The following PPM1H variants were observed in gnomAD, a reference collection of about 807,000 sequenced individuals.
The protein encoded by PPM1H is protein phosphatase, Mg2+/Mn2+ dependent 1H.
In PPM1H, 27 loss-of-function variants were observed where a neutral mutation model predicts 54.9. The observed-to-expected ratio is 0.49, with a 90% CI of 0.36 to 0.68. The LOEUF (loss-of-function observed/expected upper bound fraction) is 0.68, where lower values mean the gene tolerates loss of function less well. Ranked by LOEUF, PPM1H falls within the 30% of genes least tolerant of loss-of-function variation. PPM1H has a pLI of 0.00. For missense variants in PPM1H, 596 were observed against 667.8 expected (o/e 0.89, Z 1.19); for synonymous variants, 305 against 270.8 (o/e 1.13, Z -1.24).
intron 1 of PPM1H, among the ~76,000 whole-genome samples, chr12:62,892,281 A>G (rs1870825952): frequency 6.6e-6 from 1 of 152,228 alleles, no homozygotes; most frequent in African/African-American, 2.4e-5. Flanking sequence ...AGTCCTGTGT[A>G]ACCTATGAAT....
intron 5 of PPM1H, among the ~76,000 whole-genome samples, chr12:62,722,790 A>G (rs923704664): frequency 8.5e-5 from 13 of 152,246 alleles, no homozygotes; most frequent in Admixed American, 5.2e-4. Context: ...CAATGACACT[A>G]CAGAGAATAT....
At chr12:62,812,594 A>C (rs2076842024) in intron 2 of PPM1H, among the ~76,000 whole-genome samples, 1 of 152,098 alleles carries the variant, frequency 6.6e-6, no homozygotes, top group South Asian at 2.1e-4. Context: ...ACCTACTTCT[A>C]TTCAGGAATA....
At chr12:62,749,780 GA>G (rs2076431493) in intron 4 of PPM1H, among the ~76,000 whole-genome samples, 1 of 152,140 alleles carries the variant, frequency 6.6e-6, no homozygotes, top group Non-Finnish European at 1.5e-5. Context: ...ATGGTCAAGG[GA>G]AAAATATTTC....
chr12:62,865,995 A>G (rs1869760899), intron 1 of PPM1H, among the ~76,000 whole-genome samples: 1 of 152,186 alleles, frequency 6.6e-6, no homozygotes, highest in Admixed American at 6.5e-5. Flanking sequence ...GCTCAGCAAA[A>G]GAGCTTTTTC....
Position 62,720,194 on chromosome 12 carries a change from G to A in PPM1H, c.1050C>T (p.Tyr350=). The A allele has an allele frequency of 6.2e-7, 1 of 1,610,322 alleles. No individual in the cohort carries two copies. Among genetic ancestry groups the A allele is most frequent in the Non-Finnish European group, 8.5e-7 (1 of 1,176,578 alleles). Residue 350 remains tyrosine, a synonymous_variant, in exon 6 of 10, where the codon TAC becomes TAT. Transcript: ENST00000228705. ...QRKELGKKML[Y]RDFNMTGWAY... is the part of the protein sequence containing the mutation. ...ACCAGCCTGTCATATTAAAGTCCCT[G>A]TAGAGCATCTTCTTTCCAAGCTCCT...
At chr12:62,656,094 G>A (rs560611381) in intron 9 of PPM1H, among the ~76,000 whole-genome samples, 7 of 152,328 alleles carry the variant, frequency 4.6e-5, no homozygotes, top group Admixed American at 2.0e-4. Context: ...AAAGTCAGGC[G>A]GAAGGAGGCC....
chr12:62,786,846 A>T (rs1041043369), intron 4 of PPM1H, among the ~76,000 whole-genome samples: 1 of 152,272 alleles, frequency 6.6e-6, no homozygotes, highest in African/African-American at 2.4e-5. Flanking sequence ...ACATTTTTAC[A>T]ACATGTATTA....
chr12:62,876,052 T>A (rs1181601243), intron 1 of PPM1H, among the ~76,000 whole-genome samples: 1 of 152,166 alleles, frequency 6.6e-6, no homozygotes, highest in Non-Finnish European at 1.5e-5. Context: ...ACTTGAATGG[T>A]AACACAGAAG....
chr12:62,903,944 C>T (rs529914716), intron 1 of PPM1H, among the ~76,000 whole-genome samples: 22 of 152,090 alleles, frequency 1.4e-4, no homozygotes, highest in African/African-American at 4.6e-4. Flanking sequence ...CTGAAAGGGT[C>T]GATTTATTTT....
chr12:62,742,268 G>C (rs2076385809), intron 4 of PPM1H, among the ~76,000 whole-genome samples: 2 of 152,140 alleles, frequency 1.3e-5, no homozygotes, highest in African/African-American at 4.8e-5. Context: ...ACTTCCGTTT[G>C]AACTACCAAG....
intron 5 of PPM1H, among the ~76,000 whole-genome samples, chr12:62,722,662 C>A (rs953388594): frequency 6.6e-6 from 1 of 152,046 alleles, no homozygotes; most frequent in Non-Finnish European, 1.5e-5. Flanking sequence ...ACAGTATGGG[C>A]ACAAAAATGT....
At chr12:62,686,543 T>G (rs1042632990) in intron 8 of PPM1H, among the ~76,000 whole-genome samples, 1 of 152,206 alleles carries the variant, frequency 6.6e-6, no homozygotes, top group African/African-American at 2.4e-5. Context: ...CGACATTTAT[T>G]GCTCTTCTCT....
intron 1 of PPM1H, among the ~76,000 whole-genome samples, chr12:62,900,213 G>C (rs11174715): frequency 0.032 from 4,864 of 152,308 alleles, 254 homozygotes; most frequent in African/African-American, 0.11. Flanking sequence ...GTTTGGATAA[G>C]AAGGAAAGGA....
At chr12:62,884,078 A>G (rs1870491804) in intron 1 of PPM1H, among the ~76,000 whole-genome samples, 1 of 152,184 alleles carries the variant, frequency 6.6e-6, no homozygotes, top group Admixed American at 6.5e-5. Context: ...TAATGTGACC[A>G]AACTTGAACT....
chr12:62,703,305 G>A (rs2076154362), intron 6 of PPM1H, among the ~76,000 whole-genome samples: 1 of 151,684 alleles, frequency 6.6e-6, no homozygotes, highest in Non-Finnish European at 1.5e-5. Flanking sequence ...CAGATACTCA[G>A]AAGGATGCCT....
Position 62,737,328 on chromosome 12 carries a change from G to A in PPM1H, c.954+174C>T, listed in dbSNP as rs371819807. On this transcript the variant is annotated intron_variant, in intron 5 of 9. Coordinates refer to ENST00000228705, the MANE Select transcript of PPM1H (RefSeq NM_020700.2). The stretch of plus-strand genomic sequence containing the variant: ...TAAATTCACGGAGGTGGAGTGTGTC[G>A]TCACACACGGAGCCAGGATGTGTGA... 1.3e-4 allele frequency among the ~76,000 whole-genome samples: 20 copies of A among 152,070 alleles called. No homozygotes were observed. The South Asian group carries it at 3.6e-3, about 27-fold the overall frequency.
Position 62,649,109 on chromosome 12 carries a change from AAAAT to A in PPM1H, c.1398-477_1398-474del, listed in dbSNP as rs369936526. Among the ~76,000 whole-genome samples the A allele has an allele frequency of 1.6e-3, 245 of 152,344 alleles. 1 individual carries two copies. The highest frequency in any genetic ancestry group is 0.014 in the Middle Eastern group (4 of 294). On this transcript the variant is annotated intron_variant, in intron 9 of 9. Coordinates refer to ENST00000228705, the MANE Select transcript of PPM1H (RefSeq NM_020700.2). ...TTTCTATTTATGGTAAAAATCATTT[AAAAT>A]AAATTTTTTAAAAAAGTGAGTTAAG...
chr12:62,922,079 C>T (rs1305144671), intron 1 of PPM1H, among the ~76,000 whole-genome samples: 1 of 152,094 alleles, frequency 6.6e-6, no homozygotes, highest in Non-Finnish European at 1.5e-5. Context: ...CAGTTGTAGT[C>T]CAAAAATATA....
chr12:62,929,115 T>G (rs1369913473), intron 1 of PPM1H, among the ~76,000 whole-genome samples: 1 of 152,214 alleles, frequency 6.6e-6, no homozygotes, highest in Non-Finnish European at 1.5e-5. Context: ...ACAAAACTCC[T>G]GGTGCTGGTC....
Sources: gnomAD v4.1 joint callset for allele counts (sites outside exome capture counted in the v4.1 genomes callset) on GRCh38, gnomAD v4.1.1 for gene constraint, MANE v1.5 for transcripts, NCBI Gene and HGNC (gene_info 2026-07-23, HGNC 2026-07-21) for gene names.